The following RTN4R variants were observed in gnomAD, a reference collection of about 807,000 sequenced individuals.
RTN4R encodes reticulon-4 receptor.
RTN4R carries 4 observed loss-of-function variants against 27.7 expected under a neutral mutation model. That is an observed-to-expected ratio of 0.14 (90% confidence interval 0.07 to 0.33). The LOEUF (loss-of-function observed/expected upper bound fraction) is 0.33. Ranked by LOEUF, RTN4R falls within the 10% of genes least tolerant of loss-of-function variation. RTN4R has a pLI of 1.00. For synonymous variants in RTN4R, 290 were observed against 305.6 expected (o/e 0.95, Z 0.53); for missense variants, 554 against 671.5 (o/e 0.83, Z 1.93).
chr22:20,253,977 G>A (rs544301793), intron 1 of RTN4R, among the ~76,000 whole-genome samples: 1 of 152,188 alleles, frequency 6.6e-6, no homozygotes, highest in South Asian at 2.1e-4. Flanking sequence ...AGTTCCAGAA[G>A]AGAAAACAAA....
At chr22:20,267,502 G>C in intron 1 of RTN4R, 1 of 409,790 alleles carries the variant, frequency 2.4e-6, no homozygotes, top group Non-Finnish European at 5.1e-6. Flanking sequence ...GATGGCGGGC[G>C]TTGCTGCCTC....
intron 1 of RTN4R, among the ~76,000 whole-genome samples, chr22:20,246,789 G>A (rs919365733): frequency 1.3e-5 from 2 of 152,266 alleles, no homozygotes; most frequent in Admixed American, 6.5e-5. Context: ...GCCGAGCACC[G>A]GCTTTCATCC....
intron 1 of RTN4R, among the ~76,000 whole-genome samples, chr22:20,252,957 G>A (rs935563264): frequency 4.6e-5 from 7 of 152,142 alleles, no homozygotes; most frequent in Non-Finnish European, 1.5e-5. Flanking sequence ...CCAGCATCCT[G>A]CCTCCCCAGA....
chr22:20,263,403 G>C (rs1032502710), intron 1 of RTN4R, among the ~76,000 whole-genome samples: 2 of 152,244 alleles, frequency 1.3e-5, no homozygotes, highest in African/African-American at 4.8e-5. Flanking sequence ...CTGCGGGAAA[G>C]GAGCACCATC....
intron 1 of RTN4R, among the ~76,000 whole-genome samples, chr22:20,250,921 G>A (rs1021595060): frequency 6.6e-6 from 1 of 152,138 alleles, no homozygotes; most frequent in Non-Finnish European, 1.5e-5. Flanking sequence ...GGACAGCAGA[G>A]GAAGTGCTGA....
intron 1 of RTN4R, chr22:20,267,463 C>G (rs2051284656): frequency 2.9e-6 from 1 of 348,022 alleles, no homozygotes; most frequent in Admixed American, 3.8e-5. Flanking sequence ...ATTCCCCCAG[C>G]CAAGCCTCTC....
intron 1 of RTN4R, among the ~76,000 whole-genome samples, chr22:20,250,424 T>A (rs2051168986): frequency 6.6e-6 from 1 of 152,248 alleles, no homozygotes; most frequent in South Asian, 2.1e-4. Flanking sequence ...ACAAACAGTT[T>A]GCCGACCTGG....
intron 1 of RTN4R, among the ~76,000 whole-genome samples, chr22:20,258,961 G>A (rs549432259): frequency 1.3e-5 from 2 of 152,082 alleles, no homozygotes; most frequent in South Asian, 4.2e-4. Context: ...GGAGGGTGGA[G>A]GCGCTGGACC....
chr22:20,267,641 G>C (rs1161153643), intron 1 of RTN4R: 2 of 467,364 alleles, frequency 4.3e-6, no homozygotes, highest in Middle Eastern at 3.3e-4. Flanking sequence ...AGCCCAGACC[G>C]TGAGGCTGGG....
chr22:20,267,953 G>C lies in RTN4R; in HGVS notation c.22+118C>G, dbSNP rs1053153081. The stretch of plus-strand genomic sequence containing the variant: ...ACTGCGGTGGCTTTCCCTGCCGCCC[G>C]GCTACGCTTCCCTCGCCTCGGCAGC... On this transcript the variant is annotated intron_variant, in intron 1 of 1. Coordinates refer to ENST00000043402, the MANE Select transcript of RTN4R (RefSeq NM_023004.6). 25 of 545,980 alleles carry C rather than the reference G, an allele frequency of 4.6e-5. No homozygotes were observed. The African/African-American group carries it at 4.9e-4, about 11-fold the overall frequency. The allele number at this position is 545,980 out of a possible 1,614,324, so 33.8% of individuals were successfully genotyped here.
chr22:20,244,849 C>CTG (rs2051130689), intron 1 of RTN4R, among the ~76,000 whole-genome samples: 1 of 152,176 alleles, frequency 6.6e-6, no homozygotes, highest in Non-Finnish European at 1.5e-5. Context: ...ACACCACTGA[C>CTG]TGTGGGGGTC....
chr22:20,267,526 C>A, intron 1 of RTN4R: 1 of 446,612 alleles, frequency 2.2e-6, no homozygotes, highest in Non-Finnish European at 4.6e-6. Flanking sequence ...TCACCGCCCG[C>A]CCTGGAGGCA....
chr22:20,263,420 A>G (rs2051259039), intron 1 of RTN4R, among the ~76,000 whole-genome samples: 1 of 152,240 alleles, frequency 6.6e-6, no homozygotes, highest in African/African-American at 2.4e-5. Flanking sequence ...CATCAGCACC[A>G]TTTATTCCAG....
At chr22:20,265,677 C>T (rs113463158) in intron 1 of RTN4R, among the ~76,000 whole-genome samples, 20,149 of 152,172 alleles carry the variant, frequency 0.13, 1,802 homozygotes, top group Middle Eastern at 0.24. Flanking sequence ...ACCTGTGGCC[C>T]GAGTTGCCTG....
chr22:20,267,050 G>A (rs2051281837), intron 1 of RTN4R, among the ~76,000 whole-genome samples: 1 of 152,244 alleles, frequency 6.6e-6, no homozygotes, highest in African/African-American at 2.4e-5. Context: ...TGTGCCACCC[G>A]TGGAGACCAC....
At position 20,242,653 on chromosome 22, in the gene RTN4R, G is replaced by T; in HGVS notation, c.480C>A (p.Tyr160Ter). 2 of 1,612,454 alleles carry T rather than the reference G, an allele frequency of 1.2e-6. No homozygotes were observed. Among genetic ancestry groups the T allele is most frequent in the Non-Finnish European group, 1.7e-6 (2 of 1,179,772 alleles). ...FRGLAALQYL[Y>*]LQDNALQALP... ...GTGCCTGCAGCGCGTTGTCCTGCAG[G>T]TAGAGGTACTGCAGGGCAGCCAGGC... is the stretch of plus-strand genomic sequence containing the variant. The change falls in exon 2 of 2, where the codon TAC becomes TAA. Residue 160 changes from tyrosine (Y) to a stop codon, truncating the protein, a stop_gained. Coordinates refer to ENST00000043402, the MANE Select transcript of RTN4R (RefSeq NM_023004.6). LOFTEE classifies it high-confidence loss of function.
rs1472611345 is a variant in RTN4R, at chr22:20,242,506, C to T, written c.627G>A (p.Leu209=). ...RGLHSLDRLL[L]HQNRVAHVHP... is the part of the protein sequence containing the mutation. ...GCACATGGGCCACGCGGTTCTGGTG[C>T]AGTAGGAGACGGTCGAGGCTGTGCA... The change falls in exon 2 of 2, where the codon CTG becomes CTA. Residue 209 remains leucine (L), a synonymous_variant. Coordinates refer to ENST00000043402, the MANE Select transcript of RTN4R (RefSeq NM_023004.6). 1.9e-6 allele frequency: 3 copies of T among 1,613,628 alleles called. No homozygotes were observed. Among genetic ancestry groups the T allele is most frequent in the Non-Finnish European group, 2.5e-6 (3 of 1,180,000 alleles).
chr22:20,266,512 C>T (rs531617651), intron 1 of RTN4R, among the ~76,000 whole-genome samples: 8 of 152,350 alleles, frequency 5.3e-5, no homozygotes, highest in African/African-American at 1.7e-4. Flanking sequence ...CGCTGGGTCA[C>T]GTGCTCCAGT....
At chr22:20,267,554 TC>T in intron 1 of RTN4R, 1 of 464,348 alleles carries the variant, frequency 2.2e-6, no homozygotes, top group South Asian at 1.6e-5. Context: ...GACAACCCTG[TC>T]CCCCACGCCC....
Sources: gnomAD v4.1 joint callset for allele counts (sites outside exome capture counted in the v4.1 genomes callset) on GRCh38, gnomAD v4.1.1 for gene constraint, MANE v1.5 for transcripts, NCBI Gene and HGNC (gene_info 2026-07-23, HGNC 2026-07-21) for gene names.